Variants in KLHL14 observed in about 807,000 individuals in gnomAD.
KLHL14 encodes kelch like family member 14.
A neutral mutation model predicts 64.3 loss-of-function variants in KLHL14; 22 were observed. The observed-to-expected ratio is 0.34, with a 90% CI of 0.24 to 0.49. KLHL14 has a LOEUF of 0.49. Among genes scored for constraint, KLHL14 ranks in the 20% least tolerant of loss-of-function variants. The probability of loss-of-function intolerance (pLI) is 0.99; values close to 1 mark genes in which losing one functional copy is unlikely to be tolerated. For missense variants in KLHL14, 661 were observed against 789.0 expected, an observed-to-expected ratio of 0.84 and a Z score of 1.94; for synonymous variants, 322 against 333.4, an observed-to-expected ratio of 0.97 and a Z score of 0.37.
At chr18:32,681,109 A>G (rs984531271) in intron 5 of KLHL14, among the ~76,000 whole-genome samples, 6 of 152,180 alleles carry the variant, frequency 3.9e-5, no homozygotes, top group Admixed American at 2.6e-4. Context: ...TACTGCAAAT[A>G]GAATAACTTT....
Position 32,770,202 on chromosome 18 carries a change from G to GC in KLHL14, c.389dup (p.Cys130TrpfsTer130), listed in dbSNP as rs1251269975. On this transcript the variant is annotated frameshift_variant, in exon 2 of 9. Transcript: ENST00000359358. LOFTEE classifies it high-confidence loss of function. This position sits in a 1 kb window ranked among gnomAD's most constrained non-coding sequence, Gnocchi z 6.7. ...GCACCAGGCGCAGCCCGATGGACGAGCAGCCCTGCAGCACCAGGTTGTTGA... is the reference window on the plus strand; with the variant it reads ...GCACCAGGCGCAGCCCGATGGACGAGCCAGCCCTGCAGCACCAGGTTGTTGA... 1.9e-6 allele frequency: 3 copies of GC among 1,611,368 alleles called. No homozygotes were observed. Among genetic ancestry groups the GC allele is most frequent in the Non-Finnish European group, 2.5e-6 (3 of 1,178,052 alleles).
chr18:32,708,108 A>T (rs993435376), intron 3 of KLHL14, among the ~76,000 whole-genome samples: 1 of 152,202 alleles, frequency 6.6e-6, no homozygotes, highest in Non-Finnish European at 1.5e-5. Context: ...CTGGCCTCAT[A>T]TGTGAAGCTC....
chr18:32,729,680 A>C (rs2050127120), intron 3 of KLHL14, among the ~76,000 whole-genome samples: 1 of 152,198 alleles, frequency 6.6e-6, no homozygotes, highest in Non-Finnish European at 1.5e-5. Context: ...ACAAAATAGA[A>C]ATATGTCATT....
chr18:32,695,351 C>A, intron 4 of KLHL14, 112 bp downstream of exon 4: 1 of 705,758 alleles, frequency 1.4e-6, no homozygotes, highest in Non-Finnish European at 2.5e-6. Context: ...TTCATTTGTC[C>A]CCGTTGCACA....
intron 2 of KLHL14, among the ~76,000 whole-genome samples, chr18:32,760,728 GC>G (rs1397808851): frequency 6.6e-6 from 1 of 152,262 alleles, no homozygotes; most frequent in East Asian, 1.9e-4. Context: ...AGAAAAGAAA[GC>G]CTCTAAGCTT....
intron 4 of KLHL14, among the ~76,000 whole-genome samples, chr18:32,690,754 C>T (rs184067005): frequency 7.9e-5 from 12 of 151,940 alleles, no homozygotes; most frequent in Middle Eastern, 3.4e-3. Flanking sequence ...AATAAAACAG[C>T]GCTAGGTTTT....
At chr18:32,718,988 G>A (rs1476766701) in intron 3 of KLHL14, among the ~76,000 whole-genome samples, 2 of 151,816 alleles carry the variant, frequency 1.3e-5, no homozygotes, top group Non-Finnish European at 2.9e-5. Flanking sequence ...CACTCTTGTT[G>A]CCCAGACTGG....
At position 32,742,010 on chromosome 18, in the gene KLHL14, C is replaced by A. The variant is rs964975056; in HGVS notation, c.987G>T (p.Gly329=). 3 of 1,612,854 alleles carry A rather than the reference C, an allele frequency of 1.9e-6. No individual in the cohort carries two copies. Among genetic ancestry groups the A allele is most frequent in the Non-Finnish European group, 1.7e-6 (2 of 1,179,668 alleles). Residue 329 remains glycine, a synonymous_variant, in exon 3 of 9, where the codon GGG becomes GGT. Transcript: ENST00000359358. The part of the protein sequence containing the change: ...SNKKMLLLVG[G]LPPGPDRLPS... ...GGAGCCGGTCCGGTCCAGGAGGCAGCCCTCCAACCAATAACAGCATTTTCT... is the reference window on the plus strand; with the variant it reads ...GGAGCCGGTCCGGTCCAGGAGGCAGACCTCCAACCAATAACAGCATTTTCT...
At chr18:32,759,453 G>T (rs948649052) in intron 2 of KLHL14, among the ~76,000 whole-genome samples, 6 of 152,270 alleles carry the variant, frequency 3.9e-5, no homozygotes, top group African/African-American at 1.4e-4. Context: ...CATTGAATAT[G>T]TATAGCCAGG....
intron 2 of KLHL14, 66 bp downstream of exon 2, chr18:32,769,579 T>TC: frequency 1.4e-4 from 17 of 118,086 alleles, no homozygotes; most frequent in Admixed American, 3.7e-4. Flanking sequence ...CCCTGCCCCC[T>TC]CCCCTCCCTC....
Position 32,770,900 on chromosome 18 carries a change from A to C in KLHL14, c.-43-266T>G. The stretch of plus-strand genomic sequence containing the variant: ...TGCGGCTCCTCTCGCCACCTCCCAC[A>C]CACTTCGTCCCTCACTTTCCTAAAA... On this transcript the variant is annotated intron_variant, in intron 1 of 8. Coordinates refer to ENST00000359358, the MANE Select transcript of KLHL14 (RefSeq NM_020805.3). The surrounding 1 kb of genome is among the most constrained non-coding windows in gnomAD (Gnocchi z 6.7). 2.1e-6 allele frequency: 1 copy of C among 480,616 alleles called. No homozygotes were observed. The highest frequency in any genetic ancestry group is 3.8e-6 in the Non-Finnish European group (1 of 260,728). The allele number at this position is 480,616 out of a possible 1,614,324, so 29.8% of individuals were successfully genotyped here. A position where few individuals can be genotyped will look rare whatever the true frequency, so the allele number is the denominator to read the frequency against.
chr18:32,719,142 TTC>T (rs2050062219), intron 3 of KLHL14, among the ~76,000 whole-genome samples: 1 of 152,184 alleles, frequency 6.6e-6, no homozygotes, highest in Non-Finnish European at 1.5e-5. Context: ...GAGACGGGGT[TTC>T]TCCATGTTGG....
At chr18:32,707,654 T>C (rs1230610219) in intron 3 of KLHL14, among the ~76,000 whole-genome samples, 1 of 152,200 alleles carries the variant, frequency 6.6e-6, no homozygotes, top group African/African-American at 2.4e-5. Flanking sequence ...GGGCTGGAGT[T>C]TCTAACCAAG....
At chr18:32,760,891 T>C (rs1418556675) in intron 2 of KLHL14, among the ~76,000 whole-genome samples, 1 of 152,376 alleles carries the variant, frequency 6.6e-6, no homozygotes, top group East Asian at 1.9e-4. Context: ...CACTTCCTTC[T>C]GATGCCCTTG....
intron 2 of KLHL14, among the ~76,000 whole-genome samples, chr18:32,765,365 A>G (rs2050336519): frequency 6.6e-6 from 1 of 152,212 alleles, no homozygotes; most frequent in Admixed American, 6.5e-5. Context: ...GAAAATGTCC[A>G]CTTTTAACAG....
chr18:32,712,905 G>A (rs1168376251), intron 3 of KLHL14, among the ~76,000 whole-genome samples: 1 of 152,074 alleles, frequency 6.6e-6, no homozygotes, highest in African/African-American at 2.4e-5. Context: ...TGTCCTTCCA[G>A]GAGATCATTT....
At chr18:32,713,877 A>G (rs953086420) in intron 3 of KLHL14, among the ~76,000 whole-genome samples, 2 of 152,162 alleles carry the variant, frequency 1.3e-5, no homozygotes, top group African/African-American at 4.8e-5. Context: ...AATATCTTGG[A>G]ACATGCAAAT....
intron 3 of KLHL14, chr18:32,734,059 A>C: frequency 1.5e-6 from 1 of 656,698 alleles, no homozygotes; most frequent in Non-Finnish European, 2.8e-6. Context: ...GATTTTGGGT[A>C]ATCTCCCCTT....
intron 2 of KLHL14, among the ~76,000 whole-genome samples, chr18:32,762,270 C>T (rs1220133002): frequency 6.6e-6 from 1 of 151,528 alleles, no homozygotes; most frequent in Non-Finnish European, 1.5e-5. Flanking sequence ...GTCTATAACT[C>T]TAAATTATAT....
Sources: gnomAD v4.1 joint callset for allele counts (sites outside exome capture counted in the v4.1 genomes callset) on GRCh38, gnomAD v4.1.1 for gene constraint, Gnocchi (gnomAD v3.1) non-coding constraint, MANE v1.5 for transcripts, NCBI Gene and HGNC (gene_info 2026-07-23, HGNC 2026-07-21) for gene names.